The following RBFOX1 variants were observed in gnomAD, a reference collection of about 807,000 sequenced individuals.
RBFOX1 encodes the protein RNA binding protein fox-1 homolog 1.
Under a neutral mutation model 57.7 loss-of-function variants are expected in RBFOX1, and 8 were observed. The observed-to-expected ratio is 0.14, with a 90% confidence interval of 0.08 to 0.25. The LOEUF is 0.25. Ranked by LOEUF, RBFOX1 falls within the 10% of genes least tolerant of loss-of-function variation. The probability of loss-of-function intolerance (pLI) is 1.00; values close to 1 mark genes in which losing one functional copy is unlikely to be tolerated. For synonymous variants in RBFOX1, 326 were observed against 222.4 expected, an observed-to-expected ratio of 1.47 and a Z score of -4.15; for missense variants, 611 against 548.5, an observed-to-expected ratio of 1.11 and a Z score of -1.14.
intron 4 of RBFOX1, among the ~76,000 whole-genome samples, chr16:7,401,899 A>G (rs779530654): frequency 1.3e-5 from 2 of 152,226 alleles, no homozygotes; most frequent in South Asian, 4.1e-4. Context: ...GAAATTTTAT[A>G]CCCAGGCTCA....
At chr16:5,426,453 C>G (rs2067561939) in intron 1 of RBFOX1, among the ~76,000 whole-genome samples, 1 of 152,240 alleles carries the variant, frequency 6.6e-6, no homozygotes, top group Admixed American at 6.5e-5. Context: ...CAGCCACCGC[C>G]AGGGTGTCTG....
chr16:6,923,318 G>T (rs1207279808), intron 3 of RBFOX1, among the ~76,000 whole-genome samples: 1 of 152,120 alleles, frequency 6.6e-6, no homozygotes, highest in South Asian at 2.1e-4. Flanking sequence ...AGGATCATGT[G>T]AGGTCAGGAG....
Position 6,616,073 on chromosome 16 carries a change from G to A in RBFOX1, c.-63-38530G>A, listed in dbSNP as rs553992269. On this transcript the variant is annotated intron_variant, in intron 2 of 15. Transcript: ENST00000550418. ...CAGACTGTCATCGGTGTGGAGGGCTGTGCAGCAGATGAGGACAGGGCCCCA... is the reference window on the plus strand; with the variant it reads ...CAGACTGTCATCGGTGTGGAGGGCTATGCAGCAGATGAGGACAGGGCCCCA... Among the ~76,000 whole-genome samples, 10 of 152,276 alleles carry A rather than the reference G, an allele frequency of 6.6e-5. No homozygotes were observed. In the South Asian group the frequency reaches 2.1e-3, roughly 32 times the overall value.
At chr16:7,191,493 T>G (rs1257275872) in intron 4 of RBFOX1, among the ~76,000 whole-genome samples, 2 of 152,212 alleles carry the variant, frequency 1.3e-5, no homozygotes, top group African/African-American at 4.8e-5. Flanking sequence ...GAAGCAGCAT[T>G]TATTTTGTAT....
intron 3 of RBFOX1, among the ~76,000 whole-genome samples, chr16:5,692,585 T>G (rs1358538475): frequency 6.6e-6 from 1 of 152,166 alleles, no homozygotes; most frequent in Non-Finnish European, 1.5e-5. Flanking sequence ...TTTAAGCTTC[T>G]GAGTTTGTGA....
At chr16:5,885,907 A>G (rs1409899319) in intron 4 of RBFOX1, among the ~76,000 whole-genome samples, 2 of 152,070 alleles carry the variant, frequency 1.3e-5, no homozygotes, top group African/African-American at 4.8e-5. Flanking sequence ...TTGAATTGTA[A>G]TCCTCGATGC....
intron 4 of RBFOX1, among the ~76,000 whole-genome samples, chr16:7,328,406 G>T (rs901532097): frequency 6.6e-6 from 1 of 150,880 alleles, no homozygotes; most frequent in African/African-American, 2.4e-5. Context: ...CTTGAATTCG[G>T]GTGGCAGAGG....
At chr16:6,971,381 A>T (rs2085504781) in intron 3 of RBFOX1, among the ~76,000 whole-genome samples, 1 of 151,670 alleles carries the variant, frequency 6.6e-6, no homozygotes, top group African/African-American at 2.4e-5. Context: ...TAAAGTGGGG[A>T]GTGTGTTTGC....
intron 3 of RBFOX1, among the ~76,000 whole-genome samples, chr16:6,884,636 C>T (rs562783200): frequency 2.0e-5 from 3 of 152,256 alleles, no homozygotes; most frequent in African/African-American, 7.2e-5. Context: ...TGGTGGCTCA[C>T]ACCTGTAATC....
intron 12 of RBFOX1, among the ~76,000 whole-genome samples, chr16:7,655,939 A>G (rs1261245483): frequency 2.0e-5 from 3 of 152,274 alleles, no homozygotes; most frequent in Admixed American, 6.5e-5. Flanking sequence ...ATAACCATGC[A>G]TAACTAATTA....
chr16:7,369,828 A>G (rs926023092), intron 4 of RBFOX1, among the ~76,000 whole-genome samples: 2 of 152,206 alleles, frequency 1.3e-5, no homozygotes, highest in East Asian at 3.9e-4. Context: ...TAATTCTGGG[A>G]CAAGTACTAT....
chr16:7,153,023 T>C (rs961828178), intron 4 of RBFOX1, among the ~76,000 whole-genome samples: 1 of 152,228 alleles, frequency 6.6e-6, no homozygotes, highest in African/African-American at 2.4e-5. Flanking sequence ...GATTCTAATA[T>C]ATTTTTTTGT....
chr16:5,562,645 A>C (rs193200013), intron 2 of RBFOX1, among the ~76,000 whole-genome samples: 168 of 152,220 alleles, frequency 1.1e-3, no homozygotes, highest in African/African-American at 4.0e-3. Context: ...GTCTTCCTTA[A>C]GGTTCTGAGT....
At chr16:5,515,499 C>T (rs984027427) in intron 2 of RBFOX1, among the ~76,000 whole-genome samples, 6 of 152,216 alleles carry the variant, frequency 3.9e-5, no homozygotes, top group Admixed American at 6.5e-5. Context: ...AATGGTTCCC[C>T]AGGCACTAAA....
At chr16:5,579,624 T>G (rs2046593094) in intron 2 of RBFOX1, among the ~76,000 whole-genome samples, 1 of 152,210 alleles carries the variant, frequency 6.6e-6, no homozygotes, top group Admixed American at 6.5e-5. Context: ...GAGCTGCTCC[T>G]TCTGCCAACT....
intron 2 of RBFOX1, among the ~76,000 whole-genome samples, chr16:5,508,154 T>C (rs1293330759): frequency 6.6e-6 from 1 of 152,200 alleles, no homozygotes; most frequent in Non-Finnish European, 1.5e-5. Context: ...AAAGTTTCTG[T>C]GTGCTGGGGG....
chr16:5,576,739 C>T (rs2046468913), intron 2 of RBFOX1, among the ~76,000 whole-genome samples: 1 of 152,180 alleles, frequency 6.6e-6, no homozygotes, highest in African/African-American at 2.4e-5. Flanking sequence ...TAAAGGTCCA[C>T]CTTCTGGGTG....
chr16:7,156,438 G>C (rs57503016), intron 4 of RBFOX1, among the ~76,000 whole-genome samples: 34,194 of 151,682 alleles, frequency 0.23, 4,297 homozygotes, highest in African/African-American at 0.34. Flanking sequence ...TACACATGTA[G>C]ATATGCATAT....
intron 2 of RBFOX1, among the ~76,000 whole-genome samples, chr16:6,396,709 A>G (rs965986493): frequency 1.3e-5 from 2 of 152,134 alleles, no homozygotes; most frequent in Non-Finnish European, 2.9e-5. Flanking sequence ...ATTATCCATG[A>G]TGTCCTTTTA....
Sources: allele counts gnomAD v4.1 joint callset (sites outside exome capture counted in the v4.1 genomes callset), GRCh38; gene constraint gnomAD v4.1.1; transcripts MANE v1.5; gene names NCBI Gene and HGNC (gene_info 2026-07-23, HGNC 2026-07-21).